TRIO: variants seen among roughly 807,000 people sequenced by gnomAD.
TRIO encodes trio Rho guanine nucleotide exchange factor.
TRIO carries 58 observed loss-of-function variants against 351.9 expected under a neutral mutation model. The observed-to-expected ratio is 0.16, with a 90% CI of 0.13 to 0.21. The LOEUF is 0.21. TRIO is among the 10% of genes least tolerant of loss of function. TRIO has a pLI of 1.00. For synonymous variants in TRIO, 1,758 were observed against 1,595.7 expected (o/e 1.10, Z -2.42); for missense variants, 3,201 against 4,027.8 (o/e 0.79, Z 5.56).
intron 34 of TRIO, among the ~76,000 whole-genome samples, chr5:14,451,920 T>C (rs1186839533): frequency 6.6e-6 from 1 of 152,280 alleles, no homozygotes; most frequent in East Asian, 1.9e-4. Context: ...TGGGAATATC[T>C]GTCTTTAACA....
At chr5:14,336,855 T>A in intron 11 of TRIO, 128 bp downstream of exon 11, 1 of 967,320 alleles carries the variant, frequency 1.0e-6, no homozygotes, top group Non-Finnish European at 1.6e-6. Context: ...TGTAGCCCAT[T>A]AGTGCTGAGT....
chr5:14,394,208 T>G, intron 28 of TRIO, 78 bp downstream of exon 28: 1 of 943,398 alleles, frequency 1.1e-6, no homozygotes, highest in Non-Finnish European at 1.6e-6. Context: ...ATTTATATAA[T>G]TACCCTGAAT....
intron 1 of TRIO, among the ~76,000 whole-genome samples, chr5:14,153,670 A>T: frequency 6.6e-6 from 1 of 152,030 alleles, no homozygotes; most frequent in Non-Finnish European, 1.5e-5. Context: ...AGGGCAAGCG[A>T]CCTGCTTGCC....
chr5:14,383,759 AAAC>A (rs1355336454), intron 21 of TRIO, among the ~76,000 whole-genome samples: 1 of 152,170 alleles, frequency 6.6e-6, no homozygotes, highest in African/African-American at 2.4e-5. Context: ...CTTAATCAGA[AAAC>A]ACCTGCTTTG....
chr5:14,375,760 C>CTAA (rs1745503970), intron 19 of TRIO, among the ~76,000 whole-genome samples: 1 of 152,202 alleles, frequency 6.6e-6, no homozygotes, highest in Non-Finnish European at 1.5e-5. Context: ...TTAGTACTGG[C>CTAA]TCAGGCAGAG....
intron 5 of TRIO, among the ~76,000 whole-genome samples, chr5:14,291,820 A>G (rs1056917597): frequency 1.4e-4 from 21 of 150,286 alleles, no homozygotes; most frequent in African/African-American, 5.2e-4. Flanking sequence ...AAAAAAAGTG[A>G]AAATTTCACA....
intron 36 of TRIO, 67 bp from the exon 37 acceptor site, chr5:14,465,478 T>G: frequency 6.7e-7 from 1 of 1,489,124 alleles, no homozygotes. Flanking sequence ...CAGGGGAATT[T>G]ACTGTCTGAC....
chr5:14,242,211 A>G (rs957152986), intron 1 of TRIO, among the ~76,000 whole-genome samples: 1 of 152,232 alleles, frequency 6.6e-6, no homozygotes, highest in Non-Finnish European at 1.5e-5. Context: ...CCTCTGGACT[A>G]CTGCAGTCTA....
chr5:14,297,402 A>C (rs1737457121), intron 7 of TRIO, 139 bp downstream of exon 7: 1 of 1,032,072 alleles, frequency 9.7e-7, no homozygotes, highest in Non-Finnish European at 1.4e-6. Context: ...CTTGGCCCTG[A>C]GTTTAAATTC....
intron 34 of TRIO, among the ~76,000 whole-genome samples, chr5:14,440,538 A>G (rs534025429): frequency 7.9e-5 from 12 of 152,360 alleles, no homozygotes; most frequent in Admixed American, 3.9e-4. Flanking sequence ...AACTTCTAAG[A>G]TACGCTTTCC....
intron 1 of TRIO, among the ~76,000 whole-genome samples, chr5:14,246,320 T>C (rs1169634921): frequency 6.6e-6 from 1 of 152,226 alleles, no homozygotes; most frequent in Non-Finnish European, 1.5e-5. Context: ...TTTAACATCA[T>C]TGAGGGCTGG....
In TRIO at chr5:14,461,348, G is replaced by A. The variant is rs375802510; in HGVS notation, c.5496+37G>A. Reference sequence around the variant, plus strand: ...CCCGCTGGTTGGGGCCGGCGTGGCGGGGCCCGCTGGGCTTTTGCTGCAAGA... The same window carrying A: ...CCCGCTGGTTGGGGCCGGCGTGGCGAGGCCCGCTGGGCTTTTGCTGCAAGA... On this transcript the variant is annotated intron_variant, in intron 35 of 56. Transcript: ENST00000344204. 1.3e-4 allele frequency: 198 copies of A among 1,471,858 alleles called. No individual in the cohort carries two copies. In the African/African-American group the frequency reaches 2.5e-3, roughly 19 times the overall value. The allele number at this position is 1,471,858 out of a possible 1,614,324, so 91.2% of individuals were successfully genotyped here.
chr5:14,211,950 C>T (rs1382538311), intron 1 of TRIO, among the ~76,000 whole-genome samples: 2 of 63,502 alleles, frequency 3.1e-5, no homozygotes, highest in African/African-American at 6.2e-5. Context: ...CCCCATCTCT[C>T]CAAAAAAAAA....
In TRIO at chr5:14,406,738, CT is replaced by C. The variant is rs149331983; in HGVS notation, c.4959+67del. On this transcript the variant is annotated intron_variant, in intron 33 of 56. Transcript: ENST00000344204. ...GCCAGTCTCTGGTCAAAGCAGCCCC[CT>C]CCTTTCTGTTACTCACAGTTTGTCA... 1,335 of 1,492,136 alleles carry C rather than the reference CT, an allele frequency of 8.9e-4. 12 individuals are homozygous for C. In the African/African-American group the frequency reaches 0.017, roughly 19 times the overall value. The allele number at this position is 1,492,136 out of a possible 1,614,324, so 92.4% of individuals were successfully genotyped here. A position where few individuals can be genotyped will look rare whatever the true frequency, so the allele number is the denominator to read the frequency against.
intron 29 of TRIO, 194 bp downstream of exon 29, chr5:14,397,348 T>C: frequency 1.9e-6 from 1 of 521,704 alleles, no homozygotes; most frequent in Non-Finnish European, 3.4e-6. Flanking sequence ...GAAAGCCTTT[T>C]CTGGTCCCTT....
intron 3 of TRIO, among the ~76,000 whole-genome samples, chr5:14,285,019 G>T (rs1736319395): frequency 6.6e-6 from 1 of 152,154 alleles, no homozygotes. Context: ...GCCCAAGGAA[G>T]TCTAGAATGC....
At chr5:14,484,969 A>G in intron 46 of TRIO, 100 bp from the exon 47 acceptor site, 1 of 1,288,494 alleles carries the variant, frequency 7.8e-7, no homozygotes, top group Non-Finnish European at 1.0e-6. Flanking sequence ...AACTGTCCAC[A>G]TAGCCCACAT....
chr5:14,399,050 C>T lies in TRIO; in HGVS notation c.4594C>T (p.Leu1532Phe), dbSNP rs1329266250. Residue 1532 changes from leucine (L) to phenylalanine (F), a missense_variant, in exon 30 of 57, where the codon CTT (leucine) becomes TTT (phenylalanine). Around this residue, in one of 19 missense-constraint regions of TRIO, gnomAD observed 136 missense variants for 229.5 expected, o/e 0.59. Coordinates refer to ENST00000344204, the MANE Select transcript of TRIO (RefSeq NM_007118.4). ...VKDSSGRSKY[L>F]YKSKLFTSEL... ...AGATTCCAGTGGGAGAAGCAAGTAC[C>T]TTTATAAAAGCAAATTGTTTGTAAG... 2.5e-6 allele frequency: 4 copies of T among 1,614,086 alleles called. No individual in the cohort carries two copies. The highest frequency in any genetic ancestry group is 3.4e-6 in the Non-Finnish European group (4 of 1,179,994).
intron 34 of TRIO, among the ~76,000 whole-genome samples, chr5:14,434,414 A>G (rs1474936754): frequency 6.6e-6 from 1 of 151,670 alleles, no homozygotes; most frequent in Non-Finnish European, 1.5e-5. Context: ...GACTTTACCT[A>G]CTTTTTTCTG....
Sources: allele counts gnomAD v4.1 joint callset (sites outside exome capture counted in the v4.1 genomes callset), GRCh38; gene constraint gnomAD v4.1.1; regional missense constraint gnomAD v4.1.1; transcripts MANE v1.5; gene names NCBI Gene and HGNC (gene_info 2026-07-23, HGNC 2026-07-21).